The following SLC1A6 variants were observed in gnomAD, a reference collection of about 807,000 sequenced individuals.
SLC1A6 encodes solute carrier family 1 member 6, also known as excitatory amino acid transporter 4.
A neutral mutation model predicts 42.1 loss-of-function variants in SLC1A6; 15 were observed. That is an observed-to-expected ratio of 0.36 (90% confidence interval 0.24 to 0.55). SLC1A6 has a LOEUF of 0.55. SLC1A6 is among the 20% of genes least tolerant of loss of function. The pLI is 0.88. For synonymous variants in SLC1A6, 317 were observed against 319.7 expected (o/e 0.99, Z 0.09); for missense variants, 542 against 772.5 (o/e 0.70, Z 3.54).
chr19:14,968,356 C>T lies in SLC1A6; in HGVS notation c.495G>A (p.Arg165=). 1 of 1,613,808 alleles carries T rather than the reference C, an allele frequency of 6.2e-7. No individual in the cohort carries two copies. The highest frequency in any genetic ancestry group is 8.5e-7 in the Non-Finnish European group (1 of 1,179,900). The change falls in exon 4 of 10, where the codon CGG becomes CGA. Residue 165 remains arginine, a synonymous_variant. Transcript: ENST00000594383. ...TGGGGATGGTCTCGATCCGGCCCTC[C>T]CGGTGCAGCCCCTCCTTGGAGCCCT... ...PGKGSKEGLH[R]EGRIETIPTA...
upstream of SLC1A6, among the ~76,000 whole-genome samples, chr19:14,980,492 G>A (rs2145223594): frequency 6.6e-6 from 1 of 152,184 alleles, no homozygotes; most frequent in African/African-American, 2.4e-5. Flanking sequence ...TCTGTCGTAT[G>A]AATAAAAACT....
intron 9 of SLC1A6, among the ~76,000 whole-genome samples, chr19:14,950,779 T>C (rs1414455033): frequency 1.3e-5 from 2 of 151,694 alleles, no homozygotes; most frequent in African/African-American, 2.4e-5. Context: ...CGTCTCTACA[T>C]AGAATAACTT....
chr19:14,953,623 G>A (rs1165683372), intron 8 of SLC1A6, among the ~76,000 whole-genome samples: 1 of 152,068 alleles, frequency 6.6e-6, no homozygotes, highest in Non-Finnish European at 1.5e-5. Flanking sequence ...ACTATATGGA[G>A]ATAGTACTAC....
chr19:14,954,442 G>T, intron 7 of SLC1A6, 113 bp from the exon 8 acceptor site: 1 of 955,716 alleles, frequency 1.0e-6, no homozygotes, highest in Non-Finnish European at 1.6e-6. Context: ...CCGAAGAAAG[G>T]CTGGGGAACA....
rs1568288206 is a variant in SLC1A6 at position 14,964,309 on chromosome 19, TC to T, written c.591+9del. 1 of 1,612,056 alleles carries T rather than the reference TC, an allele frequency of 6.2e-7. No individual in the cohort carries two copies. Among genetic ancestry groups the T allele is most frequent in the Non-Finnish European group, 8.5e-7 (1 of 1,178,336 alleles). On this transcript the variant is annotated intron_variant, in intron 5 of 9. Transcript: ENST00000594383. ...AATCTCCTTGATCAAACTGTGTACTTCCCCCTGACCTGTTTGAAGCAGGCCT... is the reference window on the plus strand; with the variant it reads ...AATCTCCTTGATCAAACTGTGTACTTCCCCTGACCTGTTTGAAGCAGGCCT...
At chr19:14,976,380 G>A (rs571287436) in intron 1 of SLC1A6, among the ~76,000 whole-genome samples, 2 of 152,182 alleles carry the variant, frequency 1.3e-5, no homozygotes, top group East Asian at 3.9e-4. Context: ...ACATTTTCTT[G>A]CTACATTGTT....
chr19:14,963,815 C>T (rs970861728), intron 5 of SLC1A6, among the ~76,000 whole-genome samples: 3 of 146,230 alleles, frequency 2.1e-5, no homozygotes, highest in Non-Finnish European at 4.5e-5. Context: ...CTCAGGAAGT[C>T]CTTGGCCTAA....
chr19:14,956,180 T>G (rs1445522220), intron 7 of SLC1A6, among the ~76,000 whole-genome samples: 2 of 152,226 alleles, frequency 1.3e-5, no homozygotes, highest in East Asian at 3.9e-4. Flanking sequence ...TGACACCCTC[T>G]GAGCTAGGAA....
intron 1 of SLC1A6, among the ~76,000 whole-genome samples, chr19:15,004,681 A>G (rs2045887802): frequency 6.6e-6 from 1 of 151,382 alleles, no homozygotes; most frequent in South Asian, 2.1e-4. Flanking sequence ...CCTGGGTGAC[A>G]GAGTGAGACT....
intron 1 of SLC1A6, chr19:14,973,126 C>T: frequency 3.6e-6 from 2 of 560,260 alleles, no homozygotes; most frequent in Non-Finnish European, 6.3e-6. Context: ...CAAGACTGGC[C>T]TGGGCAGCTA....
chr19:14,951,624 C>T (rs2045414523), intron 9 of SLC1A6, among the ~76,000 whole-genome samples: 2 of 152,062 alleles, frequency 1.3e-5, no homozygotes, highest in Admixed American at 6.6e-5. Context: ...TCAAGCGATT[C>T]TCCTGTCTCA....
chr19:14,961,023 C>T (rs1392646098), intron 6 of SLC1A6, among the ~76,000 whole-genome samples: 1 of 151,280 alleles, frequency 6.6e-6, no homozygotes, highest in Non-Finnish European at 1.5e-5. Context: ...TCTGTCCTCC[C>T]GCCTCAGCCT....
chr19:14,973,208 G>GC, intron 1 of SLC1A6: 1 of 413,262 alleles, frequency 2.4e-6, no homozygotes, highest in Non-Finnish European at 4.3e-6. Context: ...CAAGGTTACA[G>GC]TGATCTATGA....
intron 1 of SLC1A6, among the ~76,000 whole-genome samples, chr19:14,975,896 A>AAGGGGGAAGTGAAGGG (rs148123004): frequency 1.2e-5 from 1 of 84,292 alleles, no homozygotes; most frequent in Non-Finnish European, 2.3e-5. Flanking sequence ...GAAGGGAAGG[A>AAGGGGGAAGTGAAGGG]AAGGGAAGGG....
chr19:14,963,445 A>C (rs2045538015), intron 5 of SLC1A6, among the ~76,000 whole-genome samples: 1 of 152,198 alleles, frequency 6.6e-6, no homozygotes, highest in Non-Finnish European at 1.5e-5. Flanking sequence ...AGAAGGGTAG[A>C]TTTTAAGTGT....
chr19:14,981,311 A>G (rs1226235862), upstream of SLC1A6, among the ~76,000 whole-genome samples: 4 of 151,932 alleles, frequency 2.6e-5, no homozygotes. Context: ...AAAAGGAAAG[A>G]AAAGAAAAGA....
At chr19:14,965,023 CT>C (rs35846543) in intron 4 of SLC1A6, among the ~76,000 whole-genome samples, 7,046 of 139,746 alleles carry the variant, frequency 0.05, 304 homozygotes, top group African/African-American at 0.12. Context: ...ATGGAGATTT[CT>C]TTTTTTTTTT....
chr19:15,008,659 T>C (rs552312964), intron 1 of SLC1A6, among the ~76,000 whole-genome samples: 1 of 152,280 alleles, frequency 6.6e-6, no homozygotes, highest in East Asian at 1.9e-4. Flanking sequence ...AATCAACTTA[T>C]GTGTCCATTA....
intron 1 of SLC1A6, among the ~76,000 whole-genome samples, chr19:14,985,081 C>T (rs1407700892): frequency 2.6e-5 from 4 of 152,190 alleles, no homozygotes; most frequent in African/African-American, 9.7e-5. Context: ...GGGGTTTCAC[C>T]GTGTTGGCCA....
Sources: allele counts gnomAD v4.1 joint callset (sites outside exome capture counted in the v4.1 genomes callset), GRCh38; gene constraint gnomAD v4.1.1; transcripts MANE v1.5; gene names NCBI Gene and HGNC (gene_info 2026-07-23, HGNC 2026-07-21).